NREP: variants seen among roughly 807,000 people sequenced by gnomAD.
NREP encodes the protein neuronal regeneration-related protein.
In NREP, 5 loss-of-function variants were observed where a neutral mutation model predicts 8.6. The ratio of observed to expected loss-of-function variants is 0.58; its 90% CI spans 0.30 to 1.22. NREP has a LOEUF of 1.22. Among genes scored for constraint, NREP ranks in the 50% most tolerant of loss-of-function variants. The pLI is 0.07. For synonymous variants in NREP, 27 were observed against 28.0 expected (o/e 0.96, Z 0.11); for missense variants, 86 against 82.5 (o/e 1.04, Z -0.17).
rs1272343999 is a variant in NREP, at chr5:111,845,244, G to A, written c.136-109737C>T. 2.7e-5 allele frequency among the ~76,000 whole-genome samples: 4 copies of A among 150,918 alleles called. No individual in the cohort carries two copies. The East Asian group carries it at 7.8e-4, about 29-fold the overall frequency. ...CTTGGGGTGGAATAACAAACGTAAT[G>A]TGAAACTGTCCTTTCTACCTCACTC... is the stretch of plus-strand genomic sequence containing the variant. On this transcript the variant is annotated intron_variant, in intron 2 of 3. Coordinates refer to the NREP transcript ENST00000395634.
At chr5:111,831,026 T>C (rs1226534085) in intron 2 of NREP, among the ~76,000 whole-genome samples, 1 of 152,148 alleles carries the variant, frequency 6.6e-6, no homozygotes, top group East Asian at 1.9e-4. Flanking sequence ...AAAACGCTAG[T>C]TTAAATCAGC....
chr5:111,781,521 C>G (rs1751493472), intron 2 of NREP, among the ~76,000 whole-genome samples: 1 of 152,162 alleles, frequency 6.6e-6, no homozygotes, highest in Admixed American at 6.5e-5. Flanking sequence ...CACAGGCAGG[C>G]CATCTCTACT....
chr5:111,884,951 C>T (rs1754199359), intron 2 of NREP, among the ~76,000 whole-genome samples: 1 of 152,134 alleles, frequency 6.6e-6, no homozygotes, highest in Non-Finnish European at 1.5e-5. Flanking sequence ...TCCTATTCAA[C>T]CTAGTGTTGG....
At chr5:111,881,264 A>T (rs949735257) in intron 2 of NREP, among the ~76,000 whole-genome samples, 4 of 152,196 alleles carry the variant, frequency 2.6e-5, no homozygotes, top group African/African-American at 9.7e-5. Context: ...GGTGGCAGCC[A>T]GGCTGGGGGA....
rs539667198 is a variant in NREP, at chr5:111,823,282, C to T, written c.136-87775G>A. 2.7e-4 allele frequency among the ~76,000 whole-genome samples: 41 copies of T among 152,296 alleles called. No individual in the cohort carries two copies. In the East Asian group the frequency reaches 3.3e-3, roughly 12 times the overall value. On this transcript the variant is annotated intron_variant, in intron 2 of 3. Coordinates refer to the NREP transcript ENST00000395634. Reference sequence around the variant, plus strand: ...AACCCCATGACCCAAACACCTCCCACAAGACCCACCTCCAACAATGGGGAC... The same window carrying T: ...AACCCCATGACCCAAACACCTCCCATAAGACCCACCTCCAACAATGGGGAC...
chr5:111,879,940 T>C (rs1754008583), intron 2 of NREP, among the ~76,000 whole-genome samples: 1 of 152,196 alleles, frequency 6.6e-6, no homozygotes, highest in Non-Finnish European at 1.5e-5. Flanking sequence ...CTCCCAAAGG[T>C]CAGTCTCCAA....
chr5:111,762,100 G>C (rs868860761), upstream of NREP, among the ~76,000 whole-genome samples: 1 of 152,100 alleles, frequency 6.6e-6, no homozygotes, highest in Non-Finnish European at 1.5e-5. Context: ...TGGAGGGCAT[G>C]GGAAAGGAAA....
At position 111,877,643 on chromosome 5, in the gene NREP, A is replaced by G. The variant is rs116507896; in HGVS notation, c.135+97631T>C. Among the ~76,000 whole-genome samples the G allele has an allele frequency of 2.0e-3, 303 of 152,380 alleles. 1 individual carries two copies. The highest frequency in any genetic ancestry group is 6.8e-3 in the African/African-American group (282 of 41,594). ...AATATTTTACAAAACTCAGCCTTAA[A>G]GAAGCAACTGGACATGAGACAATTT... is the stretch of plus-strand genomic sequence containing the variant. On this transcript the variant is annotated intron_variant, in intron 2 of 3. Transcript: ENST00000395634.
intron 2 of NREP, among the ~76,000 whole-genome samples, chr5:111,874,163 C>T (rs769933798): frequency 6.6e-6 from 1 of 151,872 alleles, no homozygotes; most frequent in African/African-American, 2.4e-5. Context: ...CAAGATAGGA[C>T]ATGTTCATTT....
At chr5:111,789,307 C>CA (rs1273615667) in intron 2 of NREP, among the ~76,000 whole-genome samples, 1 of 152,042 alleles carries the variant, frequency 6.6e-6, no homozygotes, top group Non-Finnish European at 1.5e-5. Flanking sequence ...ACACATTGTG[C>CA]AAAAAATTGA....
chr5:111,866,274 C>G (rs144547660), intron 2 of NREP, among the ~76,000 whole-genome samples: 7,067 of 151,920 alleles, frequency 0.047, 568 homozygotes, highest in African/African-American at 0.16. Flanking sequence ...CTAATATCCA[C>G]AATCTACAAT....
intron 2 of NREP, among the ~76,000 whole-genome samples, chr5:111,917,799 A>G (rs183756509): frequency 1.3e-5 from 2 of 152,324 alleles, no homozygotes; most frequent in Admixed American, 6.5e-5. Flanking sequence ...AAACCGGCAC[A>G]AGACAGGGAT....
rs1469578765 is a variant in NREP, at chr5:111,789,670, C to T, written c.136-54163G>A. Among the ~76,000 whole-genome samples the T allele has an allele frequency of 2.0e-5, 3 of 152,262 alleles. No individual in the cohort carries two copies. The East Asian group carries it at 5.8e-4, about 29-fold the overall frequency. The stretch of plus-strand genomic sequence containing the variant: ...GGTTGCTCTCATTGTACTTTCAGTA[C>T]AGCTGTAGATTCTCTTTCTAACCTT... On this transcript the variant is annotated intron_variant, in intron 2 of 3. Coordinates refer to the NREP transcript ENST00000395634.
At chr5:111,829,149 A>G (rs1752701468) in intron 2 of NREP, among the ~76,000 whole-genome samples, 1 of 152,320 alleles carries the variant, frequency 6.6e-6, no homozygotes, top group Non-Finnish European at 1.5e-5. Flanking sequence ...CATTGGGTAC[A>G]TGTTGGGAAG....
intron 2 of NREP, among the ~76,000 whole-genome samples, chr5:111,765,130 G>A (rs1336458897): frequency 6.6e-6 from 1 of 152,124 alleles, no homozygotes; most frequent in African/African-American, 2.4e-5. Flanking sequence ...TTGGGGGTAT[G>A]GTTTTGGGAG....
chr5:111,814,756 G>C (rs1027990926), intron 2 of NREP, among the ~76,000 whole-genome samples: 4 of 152,088 alleles, frequency 2.6e-5, no homozygotes, highest in Non-Finnish European at 5.9e-5. Context: ...AAGAATGGGA[G>C]TATATGCAAA....
At chr5:111,850,193 C>T (rs1753274409) in intron 2 of NREP, among the ~76,000 whole-genome samples, 1 of 152,138 alleles carries the variant, frequency 6.6e-6, no homozygotes, top group Non-Finnish European at 1.5e-5. Context: ...GTCCTTTAGC[C>T]ACTATTTAGT....
At chr5:111,762,763 C>T (rs1264066490) in intron 2 of NREP, among the ~76,000 whole-genome samples, 3 of 152,174 alleles carry the variant, frequency 2.0e-5, no homozygotes, top group Non-Finnish European at 4.4e-5. Flanking sequence ...TGTTTAAGCC[C>T]TCCGGTCTGT....
chr5:111,882,664 G>A (rs1183638881), intron 2 of NREP, among the ~76,000 whole-genome samples: 2 of 152,152 alleles, frequency 1.3e-5, no homozygotes, highest in African/African-American at 4.8e-5. Flanking sequence ...GAAAAGAGTG[G>A]GGGCCAATAT....
Sources: gnomAD v4.1 joint callset for allele counts (sites outside exome capture counted in the v4.1 genomes callset) on GRCh38, gnomAD v4.1.1 for gene constraint, MANE v1.5 for transcripts, NCBI Gene and HGNC (gene_info 2026-07-23, HGNC 2026-07-21) for gene names.